CLK1: variants seen among roughly 807,000 people sequenced by gnomAD.
CLK1 encodes the protein dual specificity protein kinase CLK1.
CLK1 carries 40 observed loss-of-function variants against 60.9 expected under a neutral mutation model. That is an observed-to-expected ratio of 0.66 (90% CI 0.51 to 0.86). The LOEUF is 0.86. Among genes scored for constraint, CLK1 ranks in the 40% least tolerant of loss-of-function variants. The probability of loss-of-function intolerance (pLI) is 0.00; values close to 1 mark genes in which losing one functional copy is unlikely to be tolerated. For synonymous variants in CLK1, 203 were observed against 184.4 expected, an observed-to-expected ratio of 1.10 and a Z score of -0.82; for missense variants, 563 against 606.1, an observed-to-expected ratio of 0.93 and a Z score of 0.75.
intron 8 of CLK1, 32 bp downstream of exon 8, chr2:200,856,859 A>C (rs753870038): frequency 6.2e-7 from 1 of 1,614,004 alleles, no homozygotes; most frequent in Non-Finnish European, 8.5e-7. Context: ...ATTAAGGCAT[A>C]AGATACTTTA....
chr2:200,862,212 G>A (rs950418580), intron 1 of CLK1, among the ~76,000 whole-genome samples: 1 of 151,932 alleles, frequency 6.6e-6, no homozygotes, highest in African/African-American at 2.4e-5. Flanking sequence ...AGAAGTCCAC[G>A]CTGTCAGGCC....
In CLK1 at chr2:200,853,921, T is replaced by C. The variant is rs6725481; in HGVS notation, c.1293A>G (p.Arg431=). The C allele has an allele frequency of 2.8e-3, 4,495 of 1,612,192 alleles. 116 individuals carry two copies. In the African/African-American group the frequency reaches 0.052, roughly 19 times the overall value. ...GGCTTACCTTCAGAGGTTTACAGCG[T>C]CTTGAAACATATCTGCCGGCAGAAC... ...EHSSAGRYVS[R]RCKPLKEFML... is the part of the protein sequence containing the mutation. Residue 431 remains arginine (R), a synonymous_variant, in exon 12 of 13, where the codon AGA becomes AGG. Coordinates refer to ENST00000321356, the MANE Select transcript of CLK1 (RefSeq NM_004071.4).
At chr2:200,855,941 A>C (rs1190285077) in intron 9 of CLK1, among the ~76,000 whole-genome samples, 1 of 148,438 alleles carries the variant, frequency 6.7e-6, no homozygotes, top group Non-Finnish European at 1.5e-5. Context: ...CCCAGGAGGC[A>C]GAAGTTGCAG....
intron 7 of CLK1, 77 bp from the exon 8 acceptor site, chr2:200,857,062 G>T: frequency 8.8e-7 from 1 of 1,139,310 alleles, no homozygotes; most frequent in South Asian, 1.3e-5. Flanking sequence ...AACAGGCCGG[G>T]TGCAGTGGCT....
chr2:200,860,831 G>T, intron 3 of CLK1: 1 of 1,040,602 alleles, frequency 9.6e-7, no homozygotes, highest in Non-Finnish European at 1.2e-6. Flanking sequence ...AACATGACTT[G>T]TTAGAACAAA....
At chr2:200,860,265 C>A (rs1405123769) in intron 3 of CLK1, 50 bp from the exon 4 acceptor site, 1 of 1,612,626 alleles carries the variant, frequency 6.2e-7, no homozygotes, top group Non-Finnish European at 8.5e-7. Context: ...AATCAATATA[C>A]CCGAGTGAAT....
intron 1 of CLK1, chr2:200,864,093 C>T (rs1180798069): frequency 6.5e-7 from 1 of 1,547,688 alleles, no homozygotes; most frequent in Non-Finnish European, 8.7e-7. Flanking sequence ...GTCTCTTTCT[C>T]CACTTACTCC....
intron 11 of CLK1, among the ~76,000 whole-genome samples, chr2:200,854,396 C>T (rs1372623542): frequency 3.3e-5 from 5 of 151,722 alleles, no homozygotes; most frequent in East Asian, 1.9e-4. Context: ...ATTAGGCGGG[C>T]GTGGTGGCGA....
intron 1 of CLK1, chr2:200,863,274 T>C (rs1054999924): frequency 2.8e-4 from 42 of 152,182 alleles, no homozygotes; most frequent in Admixed American, 2.4e-3. Flanking sequence ...AGCCCTCCAA[T>C]TGGGTCGGGG....
Position 200,861,829 on chromosome 2 carries a change from A to G in CLK1, c.34T>C (p.Trp12Arg), listed in dbSNP as rs1305859660. ...CCATAATCCCAATCCTTGTCATCCC[A>G]ATCAGGACAGTAAGTTCTCTTTGAG... ...RHSKRTYCPDWDDKDWDYGKW... is the reference protein window; with the variant it reads ...RHSKRTYCPDRDDKDWDYGKW... The change falls in exon 2 of 13, where the codon TGG becomes CGG. Residue 12 changes from tryptophan (W) to arginine (R), a missense_variant. Trp to Arg is a moderately radical substitution (Grantham distance 101). Coordinates refer to ENST00000321356, the MANE Select transcript of CLK1 (RefSeq NM_004071.4). 6.2e-7 allele frequency: 1 copy of G among 1,613,924 alleles called. No homozygotes were observed. Among genetic ancestry groups the G allele is most frequent in the Non-Finnish European group, 8.5e-7 (1 of 1,179,998 alleles).
Position 200,853,241 on chromosome 2 carries a change from A to T in CLK1, c.*65T>A. Reference sequence around the variant, plus strand: ...TTTACAAAGCTGTACAAAATAACTTAAAATTTAAAAATTAGACTGATACAG... The same window carrying T: ...TTTACAAAGCTGTACAAAATAACTTTAAATTTAAAAATTAGACTGATACAG... On this transcript the variant is annotated 3_prime_UTR_variant, in exon 13 of 13. Coordinates refer to ENST00000321356, the MANE Select transcript of CLK1 (RefSeq NM_004071.4). 1 of 1,263,564 alleles carries T rather than the reference A, an allele frequency of 7.9e-7. No homozygotes were observed. The highest frequency in any genetic ancestry group is 1.1e-6 in the Non-Finnish European group (1 of 926,138). The allele number at this position is 1,263,564 out of a possible 1,614,324, so 78.3% of individuals were successfully genotyped here. A position where few individuals can be genotyped will look rare whatever the true frequency, so the allele number is the denominator to read the frequency against.
At chr2:200,856,869 A>T (rs1460840285) in intron 8 of CLK1, 22 bp downstream of exon 8, 3 of 1,614,000 alleles carry the variant, frequency 1.9e-6, no homozygotes, top group Middle Eastern at 1.6e-4. Context: ...AAGATACTTT[A>T]TGAATATTTT....
chr2:200,864,359 G>C (rs2039195149), intron 1 of CLK1: 1 of 1,227,278 alleles, frequency 8.1e-7, no homozygotes, highest in Non-Finnish European at 1.1e-6. Flanking sequence ...AACTACCCCC[G>C]CAGGCCGGAT....
At chr2:200,860,609 G>A (rs960568473) in intron 3 of CLK1, 30 of 996,304 alleles carry the variant, frequency 3.0e-5, no homozygotes, top group Middle Eastern at 5.0e-4. Flanking sequence ...CAAAGTAGGC[G>A]GTGGCCAAAT....
intron 9 of CLK1, among the ~76,000 whole-genome samples, chr2:200,856,204 G>A (rs2039039917): frequency 6.6e-6 from 1 of 151,710 alleles, no homozygotes; most frequent in African/African-American, 2.4e-5. Context: ...CTGAGTAGCT[G>A]GAACTACTGA....
intron 5 of CLK1, among the ~76,000 whole-genome samples, chr2:200,858,339 T>C (rs1402523303): frequency 6.6e-6 from 1 of 152,206 alleles, no homozygotes; most frequent in East Asian, 1.9e-4. Flanking sequence ...CTGTCAAACA[T>C]TATCTCAAAT....
At chr2:200,854,392 C>T (rs953234378) in intron 11 of CLK1, among the ~76,000 whole-genome samples, 2 of 151,730 alleles carry the variant, frequency 1.3e-5, no homozygotes, top group South Asian at 2.1e-4. Flanking sequence ...AAAAATTAGG[C>T]GGGCGTGGTG....
In CLK1 at chr2:200,860,156, G is replaced by T; in HGVS notation, c.450C>A (p.Ile150=). 6.2e-7 allele frequency: 1 copy of T among 1,614,098 alleles called. No individual in the cohort carries two copies. Among genetic ancestry groups the T allele is most frequent in the South Asian group, 1.1e-5 (1 of 91,080 alleles). ...SVEDDEEGHL[I]CQSGDVLSAR... The stretch of plus-strand genomic sequence containing the variant: ...CACTTAGTACGTCTCCACTCTGACA[G>T]ATCAGGTGACCCTCCTCATCATCCT... Residue 150 remains isoleucine (I), a synonymous_variant, in exon 4 of 13, where the codon ATC becomes ATA. Transcript: ENST00000321356.
Position 200,857,985 on chromosome 2 carries a change from G to A in CLK1, c.653C>T (p.Pro218Leu). Residue 218 changes from proline (P) to leucine (L), a missense_variant, in exon 6 of 13, where the codon CCC becomes CTC. Pro to Leu is a moderately conservative substitution (Grantham distance 98). This residue lies in a region of CLK1 where 360 missense variants were observed against 407.0 expected (regional missense o/e 0.88). Coordinates refer to ENST00000321356, the MANE Select transcript of CLK1 (RefSeq NM_004071.4). ...ATCTGATACTTACAAAGTACTGTTG[G>A]GGTCTGTTGTATTCAGATGTTCCAG... ...QVLEHLNTTDPNSTFRCVQML... is the reference protein window; with the variant it reads ...QVLEHLNTTDLNSTFRCVQML... The A allele has an allele frequency of 6.2e-7, 1 of 1,613,380 alleles. No homozygotes were observed. The highest frequency in any genetic ancestry group is 8.5e-7 in the Non-Finnish European group (1 of 1,179,396).
Sources: allele counts gnomAD v4.1 joint callset (sites outside exome capture counted in the v4.1 genomes callset), GRCh38; gene constraint gnomAD v4.1.1; regional missense constraint gnomAD v4.1.1; transcripts MANE v1.5; gene names NCBI Gene and HGNC (gene_info 2026-07-23, HGNC 2026-07-21).